Variants in INTS6L observed in about 807,000 individuals in gnomAD.
INTS6L encodes integrator complex subunit 6 like.
Under a neutral mutation model 64.7 loss-of-function variants are expected in INTS6L, and 18 were observed. The ratio of observed to expected loss-of-function variants is 0.28; its 90% CI spans 0.19 to 0.41. INTS6L has a LOEUF of 0.41. Ranked by LOEUF, INTS6L falls within the 10% of genes least tolerant of loss-of-function variation. INTS6L has a pLI of 1.00. For synonymous variants in INTS6L, 227 were observed against 235.9 expected (o/e 0.96, Z 0.34); for missense variants, 533 against 661.0 (o/e 0.81, Z 2.12).
intron 9 of INTS6L, among the ~76,000 whole-genome samples, chrX:135,566,954 G>A (rs1364989835): frequency 8.9e-6 from 1 of 112,026 alleles, no homozygotes; most frequent in Non-Finnish European, 1.9e-5. Context: ...ATAGAAGCAG[G>A]ATACTTTGAT....
chrX:135,577,196 A>G lies in INTS6L; in HGVS notation c.1888A>G (p.Met630Val). The G allele has an allele frequency of 8.3e-7, 1 of 1,209,206 alleles. No individual in the cohort carries two copies. The highest frequency in any genetic ancestry group is 1.1e-6 in the Non-Finnish European group (1 of 894,061). Reference sequence around the variant, plus strand: ...CGTTCATTTATGTGTTTTTTAGGGAATGATGATTGATGAAGCAGATGAGTT... The same window carrying G: ...CGTTCATTTATGTGTTTTTTAGGGAGTGATGATTGATGAAGCAGATGAGTT... ...GNPFKQDKKG[M>V]MIDEADEFVA... is the part of the protein sequence containing the mutation. Residue 630 changes from methionine (M) to valine (V), a missense_variant, in exon 15 of 18, where the codon ATG becomes GTG. Transcript: ENST00000639893.
chrX:135,534,458 A>T (rs2085995268), intron 2 of INTS6L, among the ~76,000 whole-genome samples: 1 of 110,818 alleles, frequency 9.0e-6, no homozygotes, highest in Non-Finnish European at 1.9e-5. Context: ...ACGCAAGTAA[A>T]CTAGATTTCA....
Position 135,545,506 on chromosome X carries a change from T to C in INTS6L, c.273T>C (p.Ala91=). ...CTGGACTGACTACTCTCGGTCAGGCTCTAAGATCCTCATTTGATTTGTTAA... is the reference window on the plus strand; with the variant it reads ...CTGGACTGACTACTCTCGGTCAGGCCCTAAGATCCTCATTTGATTTGTTAA... ...QASGLTTLGQ[A]LRSSFDLLNL... The change falls in exon 3 of 18, where the codon GCT becomes GCC. Residue 91 remains alanine, a synonymous_variant. Transcript: ENST00000639893. 1 of 1,210,425 alleles carries C rather than the reference T, an allele frequency of 8.3e-7. No individual in the cohort carries two copies. The highest frequency in any genetic ancestry group is 1.1e-6 in the Non-Finnish European group (1 of 894,714).
rs782124409 is a variant in INTS6L at position 135,537,689 on chromosome X, A to T, written c.190-7734A>T. On this transcript the variant is annotated intron_variant, in intron 2 of 17. Coordinates refer to ENST00000639893, the MANE Select transcript of INTS6L (RefSeq NM_001351601.3). ...TCAGGGAAAGTAGGCTTAAATTAAA[A>T]TGAAATTTGAAAAATTTATTAAACT... Among the ~76,000 whole-genome samples, 8 of 112,188 alleles carry T rather than the reference A, an allele frequency of 7.1e-5. No homozygotes were observed. In the South Asian group the frequency reaches 2.9e-3, roughly 41 times the overall value.
intron 6 of INTS6L, among the ~76,000 whole-genome samples, 180 bp from the exon 7 acceptor site, chrX:135,549,462 G>A (rs1431465007): frequency 3.6e-5 from 4 of 112,459 alleles, no homozygotes; most frequent in Non-Finnish European, 7.5e-5. Context: ...GACGAAAAGA[G>A]TTGCTAGAGA....
chrX:135,549,098 T>C (rs901456690), intron 6 of INTS6L, among the ~76,000 whole-genome samples: 3 of 112,327 alleles, frequency 2.7e-5, no homozygotes, highest in African/African-American at 9.7e-5. Flanking sequence ...CTTCTATCTT[T>C]AAGTGAATTT....
chrX:135,537,667 G>T (rs2086091105), intron 2 of INTS6L, among the ~76,000 whole-genome samples: 1 of 111,520 alleles, frequency 9.0e-6, no homozygotes, highest in Non-Finnish European at 1.9e-5. Flanking sequence ...TTAGATGTCA[G>T]GGAAAGTAGG....
intron 9 of INTS6L, among the ~76,000 whole-genome samples, chrX:135,560,830 C>T (rs184552654): frequency 9.2e-6 from 1 of 109,120 alleles, no homozygotes; most frequent in Admixed American, 9.8e-5. Context: ...GGAGACAGTG[C>T]AAAACTCCAT....
At chrX:135,570,378 CTTTGAGTAT>C (rs1344601400) in intron 10 of INTS6L, 49 bp from the exon 11 acceptor site, 205 of 1,061,421 alleles carry the variant, frequency 1.9e-4, no homozygotes, top group Non-Finnish European at 6.2e-6. Flanking sequence ...TATAACTGAA[CTTTGAGTAT>C]TTTAAGATTT....
chrX:135,580,267 T>C, intron 16 of INTS6L, 105 bp downstream of exon 16: 1 of 982,808 alleles, frequency 1.0e-6, no homozygotes, highest in Non-Finnish European at 1.4e-6. Context: ...GGGGGCAATA[T>C]TGGGCTTTCA....
chrX:135,546,349 A>G, intron 3 of INTS6L, 31 bp from the exon 4 acceptor site: 1 of 917,558 alleles, frequency 1.1e-6, no homozygotes, highest in Non-Finnish European at 1.5e-6. Flanking sequence ...ATTACTTTAC[A>G]TGGCTCTAAT....
intron 7 of INTS6L, among the ~76,000 whole-genome samples, chrX:135,550,430 C>CTTTTT (rs35317599): frequency 1.2e-5 from 1 of 86,882 alleles, no homozygotes; most frequent in Non-Finnish European, 2.2e-5. Flanking sequence ...GATCAATTGG[C>CTTTTT]TTTTTTTTTT....
At chrX:135,570,570 A>G (rs2087065336) in intron 11 of INTS6L, 24 bp downstream of exon 11, 1 of 1,147,190 alleles carries the variant, frequency 8.7e-7, no homozygotes, top group Admixed American at 2.7e-5. Context: ...AAACAAACAA[A>G]CAAAAATCCT....
rs1207913068 is a variant in INTS6L, at chrX:135,544,008, C to A, written c.190-1415C>A. 4.4e-5 allele frequency among the ~76,000 whole-genome samples: 5 copies of A among 112,389 alleles called. No homozygotes were observed. The East Asian group carries it at 8.4e-4, about 19-fold the overall frequency. On this transcript the variant is annotated intron_variant, in intron 2 of 17. Transcript: ENST00000639893. ...ATAAAAGACAACAAACTAAGCACAT[C>A]TTTAATTTCACAAGAATTGCCAGCT...
intron 2 of INTS6L, among the ~76,000 whole-genome samples, chrX:135,534,701 T>TA (rs1556507682): frequency 0.016 from 1,607 of 99,486 alleles, 25 homozygotes; most frequent in African/African-American, 0.036. Flanking sequence ...TTTTTTTTTT[T>TA]AAATAGAGTC....
chrX:135,543,291 G>C (rs1217289236), intron 2 of INTS6L, among the ~76,000 whole-genome samples: 1 of 111,999 alleles, frequency 8.9e-6, no homozygotes, highest in African/African-American at 3.3e-5. Flanking sequence ...TATAGTCAGA[G>C]CCCAAATTAT....
Position 135,520,847 on chromosome X carries a change from TCCGTCCCGTC to T in INTS6L, c.-135_-126del. 6 of 570,850 alleles carry T rather than the reference TCCGTCCCGTC, an allele frequency of 1.1e-5. No homozygotes were observed. The highest frequency in any genetic ancestry group is 5.5e-5 in the South Asian group (2 of 36,333). The allele number at this position is 570,850 out of a possible 1,213,427, so 47.0% of individuals were successfully genotyped here. ...AAAGAGGAGGCCAGGAGCGGTCCCA[TCCGTCCCGTC>T]CCGTCCCGTCTCCCCCTCTTCCTCT... On this transcript the variant is annotated 5_prime_UTR_variant, in exon 1 of 18. Coordinates refer to ENST00000639893, the MANE Select transcript of INTS6L (RefSeq NM_001351601.3).
intron 2 of INTS6L, among the ~76,000 whole-genome samples, chrX:135,532,996 G>A (rs1851169785): frequency 8.9e-6 from 1 of 112,056 alleles, no homozygotes; most frequent in African/African-American, 3.2e-5. Context: ...AAGATCACTT[G>A]AGCCCAGGAT....
intron 2 of INTS6L, among the ~76,000 whole-genome samples, chrX:135,541,262 A>G (rs1487352704): frequency 8.9e-6 from 1 of 112,144 alleles, no homozygotes; most frequent in African/African-American, 3.2e-5. Flanking sequence ...GTCAGTGTCC[A>G]ATAGAAATAT....
Sources: allele counts gnomAD v4.1 joint callset (sites outside exome capture counted in the v4.1 genomes callset), GRCh38; gene constraint gnomAD v4.1.1; transcripts MANE v1.5; gene names NCBI Gene and HGNC (gene_info 2026-07-23, HGNC 2026-07-21).